ERC2: variants seen among roughly 807,000 people sequenced by gnomAD.
ERC2 encodes the protein ERC protein 2.
ERC2 carries 42 observed loss-of-function variants against 114.8 expected under a neutral mutation model. That is an observed-to-expected ratio of 0.37 (90% CI 0.29 to 0.47). The LOEUF is 0.47. Ranked by LOEUF, ERC2 falls within the 20% of genes least tolerant of loss-of-function variation. ERC2 has a pLI of 0.99. For missense variants in ERC2, 939 were observed against 1,150.7 expected (o/e 0.82, Z 2.66); for synonymous variants, 454 against 425.5 (o/e 1.07, Z -0.82).
At chr3:55,848,744 A>G (rs994503561) in intron 14 of ERC2, among the ~76,000 whole-genome samples, 2 of 152,216 alleles carry the variant, frequency 1.3e-5, no homozygotes, top group Non-Finnish European at 2.9e-5. Context: ...GTGGAAACTG[A>G]TTATTTTCCA....
intron 14 of ERC2, among the ~76,000 whole-genome samples, chr3:55,746,520 G>A (rs1246755221): frequency 1.3e-5 from 2 of 152,072 alleles, no homozygotes; most frequent in African/African-American, 2.4e-5. Context: ...GAGATTACAG[G>A]CATGAGCCAC....
chr3:56,294,710 C>T (rs186358392), intron 3 of ERC2, among the ~76,000 whole-genome samples: 2 of 152,016 alleles, frequency 1.3e-5, no homozygotes, highest in East Asian at 4.0e-4. Flanking sequence ...TGAGGATCAA[C>T]CAATACTCGA....
At chr3:56,384,405 A>G (rs1243219991) in intron 2 of ERC2, among the ~76,000 whole-genome samples, 1 of 152,160 alleles carries the variant, frequency 6.6e-6, no homozygotes, top group Non-Finnish European at 1.5e-5. Flanking sequence ...ATGGGTATAA[A>G]GTAGTATCTT....
At position 56,434,519 on chromosome 3, in the gene ERC2, G is replaced by A. The variant is rs1332886934; in HGVS notation, c.489C>T (p.Leu163=). Residue 163 remains leucine, a synonymous_variant, in exon 2 of 18, where the codon CTC becomes CTT. Transcript: ENST00000288221. ...QLKELQREND[L]LRKELDIKDS... ...CCTTGATGTCTAGCTCTTTCCGGAG[G>A]AGGTCATTCTCTCTCTGCAGTTCTT... 2 of 1,613,886 alleles carry A rather than the reference G, an allele frequency of 1.2e-6. No homozygotes were observed. The highest frequency in any genetic ancestry group is 8.5e-7 in the Non-Finnish European group (1 of 1,179,908).
At chr3:56,133,642 T>C (rs2080335664) in intron 6 of ERC2, among the ~76,000 whole-genome samples, 2 of 152,170 alleles carry the variant, frequency 1.3e-5, no homozygotes, top group Admixed American at 1.3e-4. Context: ...TATTTCATCA[T>C]CTTAAAAATA....
At position 55,575,759 on chromosome 3, in the gene ERC2, C is replaced by G. The variant is rs559436803; in HGVS notation, c.*40-64483G>C. Among the ~76,000 whole-genome samples the G allele has an allele frequency of 4.6e-5, 7 of 152,278 alleles. No individual in the cohort carries two copies. In the East Asian group the frequency reaches 1.4e-3, roughly 29 times the overall value. ...AGGACCAAGGGCACCAAATTTACCC[C>G]CTGGCTGAAACAGTACAGCTTTAGG... On this transcript the variant is annotated intron_variant, in intron 17 of 17. Transcript: ENST00000288221.
chr3:56,359,570 C>T (rs1195580481), intron 2 of ERC2, among the ~76,000 whole-genome samples: 1 of 152,260 alleles, frequency 6.6e-6, no homozygotes. Context: ...GACAAAGTGA[C>T]TTGCCCAAGG....
chr3:55,818,226 C>T (rs1252205260), intron 14 of ERC2, among the ~76,000 whole-genome samples: 1 of 152,228 alleles, frequency 6.6e-6, no homozygotes, highest in Non-Finnish European at 1.5e-5. Flanking sequence ...CCAAGCTCCA[C>T]ACTCAGAGCT....
intron 2 of ERC2, among the ~76,000 whole-genome samples, chr3:56,303,107 AC>A (rs1284550004): frequency 1.3e-5 from 2 of 152,136 alleles, no homozygotes; most frequent in Admixed American, 1.3e-4. Context: ...CAAAAGGCAA[AC>A]TCCATTCTCC....
chr3:55,833,814 C>A (rs2060732782), intron 14 of ERC2, among the ~76,000 whole-genome samples: 1 of 152,140 alleles, frequency 6.6e-6, no homozygotes, highest in Admixed American at 6.5e-5. Context: ...CACAGACTGG[C>A]AAACTGGATA....
intron 15 of ERC2, among the ~76,000 whole-genome samples, chr3:55,708,486 T>A (rs973005052): frequency 6.6e-6 from 1 of 152,226 alleles, no homozygotes; most frequent in Non-Finnish European, 1.5e-5. Context: ...CATTCATTTA[T>A]CTTACTTGTC....
intron 3 of ERC2, among the ~76,000 whole-genome samples, chr3:56,245,194 T>G (rs933531517): frequency 6.6e-6 from 1 of 150,404 alleles, no homozygotes; most frequent in Non-Finnish European, 1.5e-5. Flanking sequence ...ATATATATAT[T>G]TAATATAATA....
chr3:56,161,741 T>C (rs2082059023), intron 4 of ERC2, among the ~76,000 whole-genome samples: 2 of 152,322 alleles, frequency 1.3e-5, no homozygotes, highest in African/African-American at 4.8e-5. Context: ...TTTTATTACA[T>C]TGATTTTGTA....
intron 2 of ERC2, chr3:56,433,743 A>T (rs1485661725): frequency 6.5e-6 from 1 of 154,506 alleles, no homozygotes; most frequent in East Asian, 1.9e-4. Flanking sequence ...GGTGACTTAC[A>T]TATAGTAGAT....
At chr3:56,442,791 C>T (rs879224330) in intron 1 of ERC2, among the ~76,000 whole-genome samples, 1 of 152,200 alleles carries the variant, frequency 6.6e-6, no homozygotes, top group Admixed American at 6.5e-5. Flanking sequence ...TGAATTTACT[C>T]ATGCAATAAA....
chr3:56,094,142 G>C (rs1480166518), intron 6 of ERC2, among the ~76,000 whole-genome samples: 1 of 152,148 alleles, frequency 6.6e-6, no homozygotes, highest in Non-Finnish European at 1.5e-5. Context: ...TTTTAGGAAA[G>C]GCTGTTCTAA....
chr3:55,665,053 G>C (rs2061305329), intron 17 of ERC2, among the ~76,000 whole-genome samples: 1 of 152,198 alleles, frequency 6.6e-6, no homozygotes, highest in Non-Finnish European at 1.5e-5. Flanking sequence ...TTCTTCTGCA[G>C]TCTGCAGAAT....
rs188668332 is a variant in ERC2, at chr3:56,408,613, G to A, written c.657+25738C>T. ...ACTGAACAGTCCCTGGTATAAGAGGGACATTCTAGAAATATATGAGTAATA... is the reference window on the plus strand; with the variant it reads ...ACTGAACAGTCCCTGGTATAAGAGGAACATTCTAGAAATATATGAGTAATA... On this transcript the variant is annotated intron_variant, in intron 2 of 17. Transcript: ENST00000288221. Among the ~76,000 whole-genome samples the A allele has an allele frequency of 2.6e-5, 4 of 152,264 alleles. No individual in the cohort carries two copies. In the East Asian group the frequency reaches 7.7e-4, roughly 29 times the overall value.
chr3:56,047,962 T>A (rs1359296010), intron 7 of ERC2, among the ~76,000 whole-genome samples: 3 of 152,198 alleles, frequency 2.0e-5, no homozygotes, highest in African/African-American at 7.2e-5. Flanking sequence ...GCAGTGGAAT[T>A]CCAAGAAAGC....
Sources: gnomAD v4.1 joint callset for allele counts (sites outside exome capture counted in the v4.1 genomes callset) on GRCh38, gnomAD v4.1.1 for gene constraint, MANE v1.5 for transcripts, NCBI Gene and HGNC (gene_info 2026-07-23, HGNC 2026-07-21) for gene names.